Variants in WDR41 observed in about 807,000 individuals in gnomAD.
WDR41 encodes the protein WD repeat domain 41.
Under a neutral mutation model 69.3 loss-of-function variants are expected in WDR41, and 63 were observed. That is an observed-to-expected ratio of 0.91 (90% CI 0.74 to 1.12). The LOEUF (loss-of-function observed/expected upper bound fraction) is 1.12. WDR41 is among the 50% of genes most tolerant of loss of function. The probability of loss-of-function intolerance (pLI) is 0.00; values close to 1 mark genes in which losing one functional copy is unlikely to be tolerated. For synonymous variants in WDR41, 185 were observed against 192.1 expected (o/e 0.96, Z 0.31); for missense variants, 543 against 534.5 (o/e 1.02, Z -0.16).
chr5:77,434,450 C>T (rs914601113), intron 12 of WDR41, among the ~76,000 whole-genome samples: 1 of 152,052 alleles, frequency 6.6e-6, no homozygotes, highest in Non-Finnish European at 1.5e-5. Flanking sequence ...ACACAAAATT[C>T]AGTACACAGG....
intron 1 of WDR41, among the ~76,000 whole-genome samples, chr5:77,610,772 A>G (rs1402546174): frequency 2.6e-5 from 4 of 152,134 alleles, no homozygotes; most frequent in African/African-American, 9.7e-5. Context: ...ACCAGCTAAC[A>G]TCATAATGAC....
At chr5:77,437,228 G>T in intron 11 of WDR41, 108 bp downstream of exon 11, 1 of 920,336 alleles carries the variant, frequency 1.1e-6, no homozygotes, top group Non-Finnish European at 1.7e-6. Context: ...ATGCCTATTT[G>T]GAGCATTTCT....
chr5:77,587,876 A>G (rs990485382), intron 1 of WDR41, among the ~76,000 whole-genome samples: 3 of 152,190 alleles, frequency 2.0e-5, no homozygotes, highest in African/African-American at 7.2e-5. Context: ...TCATATGAAG[A>G]AGCAGCTAGA....
chr5:77,434,700 GAAAAA>G (rs202142187), intron 12 of WDR41, among the ~76,000 whole-genome samples: 1 of 150,176 alleles, frequency 6.7e-6, no homozygotes. Flanking sequence ...CTGTCTCAAA[GAAAAA>G]AAAAGAAATG....
chr5:77,602,434 C>G (rs1744340145), intron 1 of WDR41, among the ~76,000 whole-genome samples: 1 of 152,138 alleles, frequency 6.6e-6, no homozygotes, highest in African/African-American at 2.4e-5. Context: ...GCCATCGTGC[C>G]CAGCCCATTC....
At chr5:77,535,416 T>A (rs1156667187) in intron 1 of WDR41, among the ~76,000 whole-genome samples, 1 of 152,198 alleles carries the variant, frequency 6.6e-6, no homozygotes, top group African/African-American at 2.4e-5. Flanking sequence ...CAAAACTTTC[T>A]TGGAAATCTA....
intron 7 of WDR41, among the ~76,000 whole-genome samples, chr5:77,450,992 A>G (rs1466602478): frequency 6.6e-6 from 1 of 152,176 alleles, no homozygotes; most frequent in African/African-American, 2.4e-5. Flanking sequence ...TACACATTGA[A>G]CTTATGGGAA....
At chr5:77,613,358 C>G (rs572980954) in intron 1 of WDR41, among the ~76,000 whole-genome samples, 1 of 152,230 alleles carries the variant, frequency 6.6e-6, no homozygotes, top group East Asian at 1.9e-4. Flanking sequence ...GCCAAAAGAA[C>G]AAAGCTGGAG....
chr5:77,484,435 G>T (rs1324440466), intron 2 of WDR41, among the ~76,000 whole-genome samples: 1 of 152,114 alleles, frequency 6.6e-6, no homozygotes, highest in Admixed American at 6.6e-5. Context: ...TTGGTTAACA[G>T]ATTTTAGTAA....
At chr5:77,586,876 G>A (rs1211537154) in intron 1 of WDR41, among the ~76,000 whole-genome samples, 5 of 149,796 alleles carry the variant, frequency 3.3e-5, no homozygotes, top group South Asian at 2.1e-4. Flanking sequence ...GTGCCAGTAC[G>A]CCTGGCTAAT....
At chr5:77,571,193 C>T (rs537119685) in intron 1 of WDR41, among the ~76,000 whole-genome samples, 3 of 151,836 alleles carry the variant, frequency 2.0e-5, no homozygotes, top group South Asian at 2.1e-4. Context: ...CAAAATGGTC[C>T]GGAATTCCCC....
intron 1 of WDR41, among the ~76,000 whole-genome samples, chr5:77,536,696 A>G (rs1045414887): frequency 2.0e-5 from 3 of 152,178 alleles, no homozygotes; most frequent in African/African-American, 4.8e-5. Context: ...ACAATTCCCT[A>G]TATTATTCAG....
intron 2 of WDR41, among the ~76,000 whole-genome samples, chr5:77,476,170 A>G (rs1220382087): frequency 6.6e-6 from 1 of 152,140 alleles, no homozygotes; most frequent in East Asian, 1.9e-4. Context: ...ATATGGGACT[A>G]TGTGAAAAGA....
In WDR41 at chr5:77,463,189, T is replaced by C. The variant is rs1363814252; in HGVS notation, c.254A>G (p.Gln85Arg). 2 of 1,612,762 alleles carry C rather than the reference T, an allele frequency of 1.2e-6. No homozygotes were observed. Among genetic ancestry groups the C allele is most frequent in the Non-Finnish European group, 1.7e-6 (2 of 1,179,352 alleles). Reference protein sequence around the residue: ...EKLLELNGHTQKITAIITFPS... With the variant: ...EKLLELNGHTRKITAIITFPS... ...AAATGTAATAATAGCTGTTATCTTT[T>C]GAGTGTGTCCATTCAGTTCTAAAAG... Residue 85 changes from glutamine (Q) to arginine (R), a missense_variant, in exon 4 of 13, where the codon CAA (glutamine) becomes CGA (arginine). Gln to Arg is a conservative substitution (Grantham distance 43). Coordinates refer to ENST00000296679, the MANE Select transcript of WDR41 (RefSeq NM_018268.4).
At chr5:77,582,292 A>T in intron 1 of WDR41, 1 of 1,323,252 alleles carries the variant, frequency 7.6e-7, no homozygotes, top group East Asian at 2.3e-5. Flanking sequence ...CTCAGCAAGA[A>T]AGTAGACAAT....
chr5:77,470,008 A>C (rs547598416), intron 2 of WDR41, among the ~76,000 whole-genome samples: 2,467 of 150,630 alleles, frequency 0.016, 31 homozygotes, highest in Non-Finnish European at 0.024. Context: ...GAAGGAAAAA[A>C]TGTTAAGGGC....
chr5:77,619,575 T>C (rs1744738935), intron 1 of WDR41, among the ~76,000 whole-genome samples: 1 of 152,072 alleles, frequency 6.6e-6, no homozygotes, highest in South Asian at 2.1e-4. Flanking sequence ...GTGTCTCTGA[T>C]GCAGTGGAGA....
At chr5:77,455,472 TATC>T (rs1799790687) in intron 5 of WDR41, among the ~76,000 whole-genome samples, 1 of 152,232 alleles carries the variant, frequency 6.6e-6, no homozygotes. Flanking sequence ...AGGTCCAATT[TATC>T]TTTTTTTGTT....
At chr5:77,434,346 T>C (rs1798855399) in intron 12 of WDR41, among the ~76,000 whole-genome samples, 1 of 151,612 alleles carries the variant, frequency 6.6e-6, no homozygotes, top group Non-Finnish European at 1.5e-5. Context: ...TGAAATGACA[T>C]ATACATTTCT....
Sources: allele counts gnomAD v4.1 joint callset (sites outside exome capture counted in the v4.1 genomes callset), GRCh38; gene constraint gnomAD v4.1.1; transcripts MANE v1.5; gene names NCBI Gene and HGNC (gene_info 2026-07-23, HGNC 2026-07-21).